The following PDE8B variants were observed in gnomAD, a reference collection of about 807,000 sequenced individuals.
PDE8B encodes phosphodiesterase 8B.
PDE8B carries 26 observed loss-of-function variants against 101.3 expected under a neutral mutation model. That is an observed-to-expected ratio of 0.26 (90% CI 0.19 to 0.36). The LOEUF (loss-of-function observed/expected upper bound fraction) is 0.36. PDE8B is among the 10% of genes least tolerant of loss of function. The pLI, the probability that PDE8B is intolerant of heterozygous loss-of-function variation, is 1.00. For synonymous variants in PDE8B, 424 were observed against 429.3 expected, an observed-to-expected ratio of 0.99 and a Z score of 0.15; for missense variants, 810 against 1,163.1, an observed-to-expected ratio of 0.70 and a Z score of 4.42.
the PDE8B span, among the ~76,000 whole-genome samples, chr5:77,137,870 G>C: frequency 6.6e-6 from 1 of 152,056 alleles, no homozygotes; most frequent in African/African-American, 2.4e-5. Context: ...TTCAAAGTCT[G>C]AGAAAGGCAA....
intron 20 of PDE8B, among the ~76,000 whole-genome samples, chr5:77,425,091 G>C (rs1797732914): frequency 6.6e-6 from 1 of 152,172 alleles, no homozygotes; most frequent in African/African-American, 2.4e-5. Flanking sequence ...TAAGGTGTTA[G>C]CAGTTTTACC....
chr5:77,257,576 AC>A (rs1759449313), intron 1 of PDE8B, among the ~76,000 whole-genome samples: 1 of 152,232 alleles, frequency 6.6e-6, no homozygotes, highest in East Asian at 1.9e-4. Flanking sequence ...AAATATGTAA[AC>A]ACTGATAGAA....
intron 10 of PDE8B, among the ~76,000 whole-genome samples, chr5:77,399,528 A>G (rs1216798562): frequency 6.6e-6 from 1 of 152,276 alleles, no homozygotes; most frequent in African/African-American, 2.4e-5. Flanking sequence ...CCGCATGATT[A>G]TAAGTTTAAT....
At chr5:77,269,651 A>G (rs1403197806) in intron 1 of PDE8B, among the ~76,000 whole-genome samples, 1 of 152,110 alleles carries the variant, frequency 6.6e-6, no homozygotes, top group African/African-American at 2.4e-5. Flanking sequence ...TGATTTTTGT[A>G]TATGGTGAGA....
chr5:77,369,682 G>T (rs537483862), intron 10 of PDE8B, among the ~76,000 whole-genome samples: 3 of 152,280 alleles, frequency 2.0e-5, no homozygotes, highest in African/African-American at 7.2e-5. Context: ...GATACTCAGA[G>T]AGCAGTTACA....
the PDE8B span, among the ~76,000 whole-genome samples, chr5:77,181,848 A>G: frequency 6.6e-6 from 1 of 152,130 alleles, no homozygotes; most frequent in Admixed American, 6.5e-5. Context: ...CAACGAAAAC[A>G]TTTACACAAG....
chr5:77,136,295 G>A, the PDE8B span, among the ~76,000 whole-genome samples: 1 of 151,858 alleles, frequency 6.6e-6, no homozygotes, highest in Non-Finnish European at 1.5e-5. Context: ...TTTTGTTTTT[G>A]TTTTGTTTTG....
intron 10 of PDE8B, among the ~76,000 whole-genome samples, chr5:77,357,017 T>C (rs1169651421): frequency 1.3e-5 from 2 of 152,186 alleles, no homozygotes; most frequent in Non-Finnish European, 2.9e-5. Context: ...TAGGAGGCTT[T>C]TACCCTCACT....
intron 10 of PDE8B, among the ~76,000 whole-genome samples, chr5:77,385,905 C>T (rs1447534396): frequency 6.6e-6 from 1 of 151,280 alleles, no homozygotes; most frequent in African/African-American, 2.4e-5. Flanking sequence ...TCTCCTGCCT[C>T]AGCCTCCTGA....
the PDE8B span, chr5:77,092,422 T>A: frequency 3.3e-5 from 5 of 152,340 alleles, no homozygotes; most frequent in South Asian, 2.1e-4. Context: ...TCTTGCTTTC[T>A]TGGTAGTGGC....
intron 10 of PDE8B, among the ~76,000 whole-genome samples, chr5:77,387,979 C>T (rs539858527): frequency 6.6e-6 from 1 of 152,226 alleles, no homozygotes; most frequent in Admixed American, 6.5e-5. Flanking sequence ...ATTCATCTAA[C>T]CTTTTTTCAA....
At position 77,325,649 on chromosome 5, in the gene PDE8B, A is replaced by G. The variant is rs1479915165; in HGVS notation, c.510A>G (p.Glu170=). Reference sequence around the variant, plus strand: ...CTCGGACTCCAGAGTCAGCCCTTGAATGCTTTCTTGATAAGCATCATGAAA... The same window carrying G: ...CTCGGACTCCAGAGTCAGCCCTTGAGTGCTTTCTTGATAAGCATCATGAAA... ...NIARTPESAL[E]CFLDKHHEII... is the part of the protein sequence containing the mutation. Residue 170 remains glutamate (E), a synonymous_variant, in exon 3 of 22, where the codon GAA becomes GAG. Coordinates refer to ENST00000264917, the MANE Select transcript of PDE8B (RefSeq NM_003719.5). The G allele has an allele frequency of 6.2e-7, 1 of 1,613,878 alleles. No individual in the cohort carries two copies. Among genetic ancestry groups the G allele is most frequent in the South Asian group, 1.1e-5 (1 of 91,076 alleles).
At chr5:77,259,068 A>ACACC (rs1759857973) in intron 1 of PDE8B, among the ~76,000 whole-genome samples, 14 of 41,128 alleles carry the variant, frequency 3.4e-4, no homozygotes, top group South Asian at 1.3e-3. Context: ...ACACACACAC[A>ACACC]CCCCCGCCCC....
chr5:77,225,734 C>T (rs903646844), intron 1 of PDE8B, among the ~76,000 whole-genome samples: 1 of 151,970 alleles, frequency 6.6e-6, no homozygotes, highest in Non-Finnish European at 1.5e-5. Context: ...GGACTACAAG[C>T]CTTTTCTTCA....
At chr5:77,254,052 A>G (rs181600975) in intron 1 of PDE8B, among the ~76,000 whole-genome samples, 2 of 152,268 alleles carry the variant, frequency 1.3e-5, no homozygotes, top group Non-Finnish European at 2.9e-5. Flanking sequence ...TTTGTGTGGA[A>G]CTAATAAGTA....
chr5:77,279,352 A>G (rs1235671681), intron 1 of PDE8B, among the ~76,000 whole-genome samples: 1 of 152,220 alleles, frequency 6.6e-6, no homozygotes, highest in Non-Finnish European at 1.5e-5. Context: ...TTGATGTTCT[A>G]GATGGTATGT....
the PDE8B span, among the ~76,000 whole-genome samples, chr5:77,181,583 A>G: frequency 1.1e-4 from 16 of 152,238 alleles, no homozygotes; most frequent in African/African-American, 9.6e-5. Context: ...ACACCAGTTT[A>G]CCCGTCCCCA....
intron 1 of PDE8B, among the ~76,000 whole-genome samples, chr5:77,266,222 T>C (rs1176258603): frequency 6.6e-6 from 1 of 152,232 alleles, no homozygotes; most frequent in Non-Finnish European, 1.5e-5. Flanking sequence ...TGTGGATATG[T>C]GAAAGTGGTA....
chr5:77,094,948 T>C, the PDE8B span, among the ~76,000 whole-genome samples: 3 of 152,100 alleles, frequency 2.0e-5, no homozygotes, highest in African/African-American at 7.2e-5. Context: ...ACCTGCAACA[T>C]TGGGAATCAA....
Sources: gnomAD v4.1 joint callset for allele counts (sites outside exome capture counted in the v4.1 genomes callset) on GRCh38, gnomAD v4.1.1 for gene constraint, MANE v1.5 for transcripts, NCBI Gene and HGNC (gene_info 2026-07-23, HGNC 2026-07-21) for gene names.